Variants in TRPM1 observed in about 807,000 individuals in gnomAD.
TRPM1 encodes the protein TRPM1-203 APA Isoform, Intron 10.
TRPM1 carries 113 observed loss-of-function variants against 149.4 expected under a neutral mutation model. That is an observed-to-expected ratio of 0.76 (90% confidence interval 0.65 to 0.88). TRPM1 has a LOEUF of 0.88. Ranked by LOEUF, TRPM1 falls within the 40% of genes least tolerant of loss-of-function variation. TRPM1 has a pLI of 0.00. For synonymous variants in TRPM1, 741 were observed against 759.5 expected (o/e 0.98, Z 0.40); for missense variants, 1,976 against 2,038.7 (o/e 0.97, Z 0.59).
At chr15:31,133,799 G>A (rs1302154284) in intron 1 of TRPM1, among the ~76,000 whole-genome samples, 3 of 152,174 alleles carry the variant, frequency 2.0e-5, no homozygotes, top group East Asian at 3.8e-4. Flanking sequence ...CTTGGCTCTC[G>A]AGATGGCAGA....
chr15:31,033,805 G>A lies in TRPM1; in HGVS notation c.2701-865C>T, dbSNP rs114103432. Among the ~76,000 whole-genome samples, 1,262 of 152,308 alleles carry A rather than the reference G, an allele frequency of 8.3e-3. 14 individuals carry two copies. The highest frequency in any genetic ancestry group is 0.028 in the African/African-American group (1,169 of 41,564). ...GGTGGACCCTCAGCAAGGCCAGGAC[G>A]GCACAGCGATGGTAAAGCAGGCCGC... On this transcript the variant is annotated intron_variant, in intron 21 of 27. Coordinates refer to ENST00000256552, the MANE Select transcript of TRPM1 (RefSeq NM_001252024.2).
chr15:31,077,107 TGG>T, intron 2 of TRPM1, 123 bp from the exon 3 acceptor site: 1 of 708,690 alleles, frequency 1.4e-6, no homozygotes, highest in Non-Finnish European at 2.5e-6. Flanking sequence ...TCTGCAATAA[TGG>T]TGGATGCAAG....
At chr15:31,124,234 G>A (rs548502237) in intron 1 of TRPM1, among the ~76,000 whole-genome samples, 34 of 151,126 alleles carry the variant, frequency 2.2e-4, no homozygotes, top group Middle Eastern at 7.0e-3. Flanking sequence ...GCAGTGAGCC[G>A]AGATCGCGCC....
chr15:31,120,003 T>G (rs2035855130), intron 1 of TRPM1, among the ~76,000 whole-genome samples: 2 of 152,276 alleles, frequency 1.3e-5, no homozygotes, highest in East Asian at 3.9e-4. Flanking sequence ...CTGACTATAT[T>G]AATAATTACT....
intron 1 of TRPM1, among the ~76,000 whole-genome samples, chr15:31,089,262 G>A (rs1254017284): frequency 1.3e-5 from 2 of 151,038 alleles, no homozygotes; most frequent in Non-Finnish European, 2.9e-5. Flanking sequence ...GGTTTCTGAG[G>A]GTTGGCAATG....
At chr15:31,113,541 T>C (rs1013512123) in intron 1 of TRPM1, among the ~76,000 whole-genome samples, 11 of 151,114 alleles carry the variant, frequency 7.3e-5, no homozygotes, top group Non-Finnish European at 1.6e-4. Context: ...TTTTTCTTTG[T>C]ACTCCTAAAA....
At chr15:31,067,748 T>G in intron 5 of TRPM1, 131 bp downstream of exon 5, 1 of 908,496 alleles carries the variant, frequency 1.1e-6, no homozygotes, top group Non-Finnish European at 1.8e-6. Flanking sequence ...GAATAAAGAC[T>G]TCACTTTAGT....
chr15:31,113,601 C>G (rs1013541684), intron 1 of TRPM1, among the ~76,000 whole-genome samples: 1 of 152,168 alleles, frequency 6.6e-6, no homozygotes, highest in Non-Finnish European at 1.5e-5. Flanking sequence ...GTTTGTTACA[C>G]AAGTAAACTT....
At chr15:31,008,240 G>A (rs1279221560) in intron 27 of TRPM1, among the ~76,000 whole-genome samples, 2 of 152,172 alleles carry the variant, frequency 1.3e-5, no homozygotes, top group Non-Finnish European at 2.9e-5. Flanking sequence ...TGTTGAAGTG[G>A]TGAGAGTGGC....
intron 1 of TRPM1, among the ~76,000 whole-genome samples, chr15:31,085,690 T>C (rs1409328592): frequency 6.6e-6 from 1 of 152,222 alleles, no homozygotes; most frequent in Non-Finnish European, 1.5e-5. Context: ...TGCTGATTTT[T>C]TGTGCAGAAT....
At chr15:31,003,136 A>C in intron 27 of TRPM1, 66 bp from the exon 28 acceptor site, 2 of 1,401,324 alleles carry the variant, frequency 1.4e-6, no homozygotes, top group Non-Finnish European at 2.0e-6. Flanking sequence ...TCAAAAGATA[A>C]TGTCATTGCT....
At chr15:31,025,443 C>T (rs1013004954) in intron 27 of TRPM1, among the ~76,000 whole-genome samples, 2 of 152,218 alleles carry the variant, frequency 1.3e-5, no homozygotes, top group African/African-American at 4.8e-5. Context: ...GTCACCATTT[C>T]TGTACCTCGC....
Position 31,066,397 on chromosome 15 carries a change from A to G in TRPM1, c.619-150T>C, listed in dbSNP as rs1814881427. 5.8e-6 allele frequency: 5 copies of G among 862,822 alleles called. No homozygotes were observed. In the African/African-American group the frequency reaches 6.7e-5, roughly 12 times the overall value. 53.4% of individuals were successfully genotyped at this position (862,822 alleles called of 1,614,324 possible). ...CCTTTTGAAGGTTTTATTTTTGCCA[A>G]TTGTTACATTAAAATAGAAAGAAAG... On this transcript the variant is annotated intron_variant, in intron 6 of 27. Coordinates refer to ENST00000256552, the MANE Select transcript of TRPM1 (RefSeq NM_001252024.2).
In TRPM1 at chr15:31,060,534, A is replaced by G; in HGVS notation, c.1263+10T>C. On this transcript the variant is annotated intron_variant, in intron 11 of 27. Transcript: ENST00000256552. ...GATCAATGATATGAATCGAAAAAAA[A>G]CAGTTTCACCGGCCAGTGGGGCCCA... 5 of 1,612,760 alleles carry G rather than the reference A, an allele frequency of 3.1e-6. No individual in the cohort carries two copies. Among genetic ancestry groups the G allele is most frequent in the Non-Finnish European group, 4.2e-6 (5 of 1,178,768 alleles).
chr15:31,090,546 A>G (rs979175448), intron 1 of TRPM1, among the ~76,000 whole-genome samples: 1 of 152,074 alleles, frequency 6.6e-6, no homozygotes, highest in African/African-American at 2.4e-5. Flanking sequence ...CTGAGGCAGG[A>G]GAATCACCTG....
Position 31,047,934 on chromosome 15 carries a change from C to T in TRPM1, c.1578G>A (p.Leu526=). Residue 526 remains leucine (L), a synonymous_variant, in exon 14 of 28, where the codon CTG becomes CTA. Coordinates refer to ENST00000256552, the MANE Select transcript of TRPM1 (RefSeq NM_001252024.2). ...GCAGATGAAGTGTGTTTGGTGGACCCAGTCTCTGAAAGAGAAGCATTCATG... is the reference window on the plus strand; with the variant it reads ...GCAGATGAAGTGTGTTTGGTGGACCTAGTCTCTGAAAGAGAAGCATTCATG... The part of the protein sequence containing the change: ...PRLEELYNTR[L]GPPNTLHLLV... 1 of 1,613,940 alleles carries T rather than the reference C, an allele frequency of 6.2e-7. No homozygotes were observed. The highest frequency in any genetic ancestry group is 1.1e-5 in the South Asian group (1 of 91,080).
At chr15:31,071,978 A>T (rs981601377) in intron 3 of TRPM1, among the ~76,000 whole-genome samples, 2 of 62,390 alleles carry the variant, frequency 3.2e-5, no homozygotes, top group Non-Finnish European at 5.8e-5. Context: ...AAAAAAAAAA[A>T]ACATATATAT....
chr15:31,075,950 A>G (rs2034676382), intron 3 of TRPM1, among the ~76,000 whole-genome samples: 1 of 151,768 alleles, frequency 6.6e-6, no homozygotes, highest in South Asian at 2.1e-4. Flanking sequence ...ATGTGAGCCC[A>G]GAAGCACTTT....
chr15:31,143,541 AG>A (rs1224690327), intron 1 of TRPM1, among the ~76,000 whole-genome samples: 1 of 152,052 alleles, frequency 6.6e-6, no homozygotes. Flanking sequence ...CCGCCTCCTG[AG>A]TAGCTAGGAC....
Sources: allele counts gnomAD v4.1 joint callset (sites outside exome capture counted in the v4.1 genomes callset), GRCh38; gene constraint gnomAD v4.1.1; transcripts MANE v1.5; gene names NCBI Gene and HGNC (gene_info 2026-07-23, HGNC 2026-07-21).